Variants in UBASH3B observed in about 807,000 individuals in gnomAD.
UBASH3B encodes ubiquitin-associated and SH3 domain-containing protein B.
In UBASH3B, 37 loss-of-function variants were observed where a neutral mutation model predicts 83.4. The ratio of observed to expected loss-of-function variants is 0.44; its 90% confidence interval spans 0.34 to 0.58. The LOEUF (loss-of-function observed/expected upper bound fraction) is 0.58, where lower values mean the gene tolerates loss of function less well. Ranked by LOEUF, UBASH3B falls within the 20% of genes least tolerant of loss-of-function variation. The pLI, the probability that UBASH3B is intolerant of heterozygous loss-of-function variation, is 0.01. For synonymous variants in UBASH3B, 304 were observed against 318.3 expected (o/e 0.96, Z 0.48); for missense variants, 657 against 827.2 (o/e 0.79, Z 2.52).
At chr11:122,773,304 G>A (rs1860679844) in intron 1 of UBASH3B, among the ~76,000 whole-genome samples, 1 of 152,130 alleles carries the variant, frequency 6.6e-6, no homozygotes, top group African/African-American at 2.4e-5. Context: ...TCTGTTCTGT[G>A]GGCAGAGTTG....
intron 11 of UBASH3B, among the ~76,000 whole-genome samples, chr11:122,805,835 C>A (rs1044313842): frequency 1.1e-4 from 17 of 152,336 alleles, no homozygotes; most frequent in African/African-American, 1.7e-4. Context: ...TTCACCCCAA[C>A]CACAGGCAGA....
At position 122,756,187 on chromosome 11, in the gene UBASH3B, A is replaced by C. The variant is rs541346919; in HGVS notation, c.162-20032A>C. On this transcript the variant is annotated intron_variant, in intron 1 of 13. Coordinates refer to ENST00000284273, the MANE Select transcript of UBASH3B (RefSeq NM_032873.5). Reference sequence around the variant, plus strand: ...AAATTCTCAAGAGCTTTTGGCCTTGACAACCATGGAGAGTTACCTAGAGCT... The same window carrying C: ...AAATTCTCAAGAGCTTTTGGCCTTGCCAACCATGGAGAGTTACCTAGAGCT... Among the ~76,000 whole-genome samples, 8 of 152,350 alleles carry C rather than the reference A, an allele frequency of 5.3e-5. No individual in the cohort carries two copies. The South Asian group carries it at 8.3e-4, about 16-fold the overall frequency.
chr11:122,663,318 T>C (rs2135892108), intron 1 of UBASH3B, among the ~76,000 whole-genome samples: 1 of 152,330 alleles, frequency 6.6e-6, no homozygotes. Context: ...TTTTAGACCA[T>C]GTTCGAGCTT....
intron 4 of UBASH3B, among the ~76,000 whole-genome samples, chr11:122,781,546 T>G (rs889187715): frequency 6.6e-6 from 1 of 152,228 alleles, no homozygotes; most frequent in Non-Finnish European, 1.5e-5. Context: ...TCCAAGATCC[T>G]GCTGTCATGA....
At chr11:122,786,930 C>G (rs1367765147) in intron 5 of UBASH3B, among the ~76,000 whole-genome samples, 2 of 152,160 alleles carry the variant, frequency 1.3e-5, no homozygotes, top group East Asian at 1.9e-4. Flanking sequence ...TGTCTGTAAC[C>G]TTAGCTGTGC....
Position 122,764,402 on chromosome 11 carries a change from A to G in UBASH3B, c.162-11817A>G, listed in dbSNP as rs79347219. 4.4e-3 allele frequency among the ~76,000 whole-genome samples: 671 copies of G among 152,328 alleles called. 3 individuals carry two copies. Among genetic ancestry groups the G allele is most frequent in the Non-Finnish European group, 6.2e-3 (419 of 68,024 alleles). ...TTCTGAAAACGAAAAAAACGAGAGC[A>G]CCAAGTAAGAAATGACTTCCTTTGG... On this transcript the variant is annotated intron_variant, in intron 1 of 13. Coordinates refer to ENST00000284273, the MANE Select transcript of UBASH3B (RefSeq NM_032873.5).
In UBASH3B at chr11:122,806,013, CCCAT is replaced by C. The variant is rs1411050808; in HGVS notation, c.1596-394_1596-391del. 6.6e-6 allele frequency among the ~76,000 whole-genome samples: 1 copy of C among 152,206 alleles called. No individual in the cohort carries two copies. The highest frequency in any genetic ancestry group is 2.4e-5 in the African/African-American group (1 of 41,460). ...ATGGACCTAATATCTGCGTTTAAAA[CCCAT>C]CCTTGCTGCTCTTGAAGAGAGGTCT... On this transcript the variant is annotated intron_variant, in intron 11 of 13. Coordinates refer to ENST00000284273, the MANE Select transcript of UBASH3B (RefSeq NM_032873.5). This position sits in a 1 kb window ranked among gnomAD's most constrained non-coding sequence, Gnocchi z 4.0.
Position 122,695,575 on chromosome 11 carries a change from CTG to C in UBASH3B, c.161+39368_161+39369del, listed in dbSNP as rs1352349956. Among the ~76,000 whole-genome samples, 4 of 152,342 alleles carry C rather than the reference CTG, an allele frequency of 2.6e-5. No individual in the cohort carries two copies. In the East Asian group the frequency reaches 5.8e-4, roughly 22 times the overall value. ...CCATTTCAGCAGCTCTTAGGAGACTCTGTGGTTTTCTTTCCTTTTTTTTCTTT... is the reference window on the plus strand; with the variant it reads ...CCATTTCAGCAGCTCTTAGGAGACTCTGGTTTTCTTTCCTTTTTTTTCTTT... On this transcript the variant is annotated intron_variant, in intron 1 of 13. Transcript: ENST00000284273.
At chr11:122,719,274 A>G (rs1860582783) in intron 1 of UBASH3B, among the ~76,000 whole-genome samples, 1 of 152,236 alleles carries the variant, frequency 6.6e-6, no homozygotes, top group African/African-American at 2.4e-5. Flanking sequence ...TGATTGGTTT[A>G]GATACCCATG....
intron 1 of UBASH3B, among the ~76,000 whole-genome samples, chr11:122,745,369 A>G (rs1334448390): frequency 1.3e-5 from 2 of 152,192 alleles, no homozygotes; most frequent in Non-Finnish European, 2.9e-5. Flanking sequence ...GCAAGTATTT[A>G]TGGGGTGCTT....
intron 1 of UBASH3B, among the ~76,000 whole-genome samples, chr11:122,666,664 G>A (rs1196374960): frequency 2.0e-5 from 3 of 152,162 alleles, no homozygotes; most frequent in South Asian, 2.1e-4. Flanking sequence ...TGATCCACCC[G>A]CCTCGGCCTC....
chr11:122,747,696 G>A (rs1225816817), intron 1 of UBASH3B, among the ~76,000 whole-genome samples: 1 of 152,240 alleles, frequency 6.6e-6, no homozygotes, highest in Non-Finnish European at 1.5e-5. Flanking sequence ...GCTTCTGAAA[G>A]CTTTCTTTAT....
At position 122,777,183 on chromosome 11, in the gene UBASH3B, C is replaced by T; in HGVS notation, c.375C>T (p.Pro125=). The T allele has an allele frequency of 6.2e-7, 1 of 1,613,662 alleles. No individual in the cohort carries two copies. Among genetic ancestry groups the T allele is most frequent in the South Asian group, 1.1e-5 (1 of 90,996 alleles). ...AGAACAAGGCACACAACATCTTCCC[C>T]CACATCACACTCTGCCAGTTCTTTA... ...CGKNKAHNIF[P]HITLCQFFMC... Residue 125 remains proline (P), a synonymous_variant, in exon 3 of 14, where the codon CCC becomes CCT. Transcript: ENST00000284273.
intron 7 of UBASH3B, 64 bp from the exon 8 acceptor site, chr11:122,796,092 C>G: frequency 1.3e-6 from 2 of 1,593,630 alleles, no homozygotes; most frequent in Non-Finnish European, 1.7e-6. Flanking sequence ...CACCTGGCAC[C>G]TGGCTCCAAG....
At position 122,668,120 on chromosome 11, in the gene UBASH3B, G is replaced by T. The variant is rs542625182; in HGVS notation, c.161+11910G>T. On this transcript the variant is annotated intron_variant, in intron 1 of 13. Transcript: ENST00000284273. ...CCTGCCTCAGCCTCCCAAGTAGCTG[G>T]GATTACAGGCGCCTGCCACCATACC... Among the ~76,000 whole-genome samples, 9 of 152,194 alleles carry T rather than the reference G, an allele frequency of 5.9e-5. No individual in the cohort carries two copies. The East Asian group carries it at 9.7e-4, about 16-fold the overall frequency.
At chr11:122,746,307 G>T (rs1861117527) in intron 1 of UBASH3B, among the ~76,000 whole-genome samples, 1 of 152,174 alleles carries the variant, frequency 6.6e-6, no homozygotes, top group Non-Finnish European at 1.5e-5. Context: ...CGGTAGGGAG[G>T]TTCCATGCCA....
intron 5 of UBASH3B, among the ~76,000 whole-genome samples, chr11:122,784,187 G>A (rs1860908780): frequency 6.6e-6 from 1 of 152,064 alleles, no homozygotes; most frequent in African/African-American, 2.4e-5. Context: ...GCACGCCTCG[G>A]TGTCTCAAAG....
chr11:122,719,410 A>G (rs997384760), intron 1 of UBASH3B, among the ~76,000 whole-genome samples: 1 of 152,118 alleles, frequency 6.6e-6, no homozygotes, highest in Non-Finnish European at 1.5e-5. Context: ...AACTCTTTAA[A>G]AGTCTTTCTT....
chr11:122,720,849 C>T (rs1860616235), intron 1 of UBASH3B, among the ~76,000 whole-genome samples: 1 of 152,148 alleles, frequency 6.6e-6, no homozygotes, highest in Non-Finnish European at 1.5e-5. Context: ...TGTCCTCTCC[C>T]CTAGAATATA....
Sources: gnomAD v4.1 joint callset for allele counts (sites outside exome capture counted in the v4.1 genomes callset) on GRCh38, gnomAD v4.1.1 for gene constraint, Gnocchi (gnomAD v3.1) non-coding constraint, MANE v1.5 for transcripts, NCBI Gene and HGNC (gene_info 2026-07-23, HGNC 2026-07-21) for gene names.